Variants in UTRN observed in about 807,000 individuals in gnomAD.
The protein encoded by UTRN is dystrophin-related protein 1.
UTRN carries 283 observed loss-of-function variants against 463.9 expected under a neutral mutation model. That is an observed-to-expected ratio of 0.61 (90% CI 0.55 to 0.67). The LOEUF is 0.67. UTRN is among the 30% of genes least tolerant of loss of function. UTRN has a pLI of 0.00. For missense variants in UTRN, 3,922 were observed against 4,084.3 expected, an observed-to-expected ratio of 0.96 and a Z score of 1.08; for synonymous variants, 1,442 against 1,431.5, an observed-to-expected ratio of 1.01 and a Z score of -0.17.
At chr6:144,555,667 G>C (rs1735324102) in intron 49 of UTRN, among the ~76,000 whole-genome samples, 1 of 152,200 alleles carries the variant, frequency 6.6e-6, no homozygotes. Context: ...CTGAGCTCAA[G>C]TAATCTGCTC....
chr6:144,638,810 A>G (rs1233611614), intron 51 of UTRN, among the ~76,000 whole-genome samples: 3 of 152,178 alleles, frequency 2.0e-5, no homozygotes, highest in Non-Finnish European at 4.4e-5. Flanking sequence ...TAATCCTTTT[A>G]GAAGGCAATG....
intron 73 of UTRN, among the ~76,000 whole-genome samples, chr6:144,846,555 T>C (rs916908554): frequency 2.0e-5 from 3 of 152,252 alleles, no homozygotes; most frequent in African/African-American, 7.2e-5. Flanking sequence ...CAGTGAATGC[T>C]TTAGTGTATG....
Position 144,447,233 on chromosome 6 carries a change from C to T in UTRN, c.1637C>T (p.Thr546Ile), listed in dbSNP as rs753825783. ...TAGTGCTTGTTGAAAGCTTGGTTAA[C>T]CGAAAAAGAAGAGGCTTTAAATAAA... is the stretch of plus-strand genomic sequence containing the variant. ...EEQCLLKAWLTEKEEALNKVQ... is the reference protein window; with the variant it reads ...EEQCLLKAWLIEKEEALNKVQ... Residue 546 changes from threonine to isoleucine, a missense_variant, in exon 15 of 75, where the codon ACC (threonine) becomes ATC (isoleucine). Transcript: ENST00000367545. 14 of 1,613,568 alleles carry T rather than the reference C, an allele frequency of 8.7e-6. No homozygotes were observed. Among genetic ancestry groups the T allele is most frequent in the African/African-American group, 1.3e-5 (1 of 74,858 alleles).
chr6:144,622,197 T>TC (rs1220936574), intron 51 of UTRN, among the ~76,000 whole-genome samples: 1 of 139,984 alleles, frequency 7.1e-6, no homozygotes, highest in Non-Finnish European at 1.5e-5. Flanking sequence ...TTTTTTTTTT[T>TC]TTTTTTTTGG....
chr6:144,781,200 G>T (rs4499950), intron 60 of UTRN, among the ~76,000 whole-genome samples: 1 of 152,036 alleles, frequency 6.6e-6, no homozygotes, highest in Non-Finnish European at 1.5e-5. Flanking sequence ...GGATGTGGGG[G>T]CTGTCTAGTA....
chr6:144,494,709 G>C (rs1370515237), intron 33 of UTRN, among the ~76,000 whole-genome samples: 2 of 152,146 alleles, frequency 1.3e-5, no homozygotes, highest in Non-Finnish European at 2.9e-5. Flanking sequence ...TAGATACAGA[G>C]TGTGGACACA....
chr6:144,723,433 C>G (rs751852656), intron 53 of UTRN, among the ~76,000 whole-genome samples: 1 of 152,124 alleles, frequency 6.6e-6, no homozygotes, highest in African/African-American at 2.4e-5. Context: ...TATGCTCAAG[C>G]ATTTATTGAG....
intron 47 of UTRN, among the ~76,000 whole-genome samples, chr6:144,549,124 G>A (rs987980668): frequency 1.3e-5 from 2 of 152,202 alleles, no homozygotes; most frequent in African/African-American, 4.8e-5. Context: ...AGGCACATTA[G>A]TATAAATATA....
At chr6:144,762,896 G>GATTTTCC (rs1792872316) in intron 58 of UTRN, among the ~76,000 whole-genome samples, 1 of 152,192 alleles carries the variant, frequency 6.6e-6, no homozygotes, top group Admixed American at 6.5e-5. Context: ...TAGGAAATAA[G>GATTTTCC]ATTTTCCTTT....
At chr6:144,516,548 T>G (rs1378924762) in intron 38 of UTRN, among the ~76,000 whole-genome samples, 161 bp downstream of exon 38, 1 of 152,098 alleles carries the variant, frequency 6.6e-6, no homozygotes, top group Non-Finnish European at 1.5e-5. Context: ...ACATGATTCA[T>G]GTGCTTAAAA....
chr6:144,824,662 C>T, intron 66 of UTRN, among the ~76,000 whole-genome samples: 2 of 104,068 alleles, frequency 1.9e-5, no homozygotes, highest in Admixed American at 1.4e-4. Flanking sequence ...TTCTGTTTCC[C>T]AGGCTGGAGT....
intron 58 of UTRN, among the ~76,000 whole-genome samples, chr6:144,760,872 T>A (rs976689993): frequency 2.0e-5 from 3 of 152,180 alleles, no homozygotes; most frequent in Non-Finnish European, 4.4e-5. Flanking sequence ...ATCATCTTTG[T>A]ATTCACTGTT....
At chr6:144,449,399 C>T (rs928751902) in intron 17 of UTRN, among the ~76,000 whole-genome samples, 10 of 152,228 alleles carry the variant, frequency 6.6e-5, no homozygotes, top group Admixed American at 2.0e-4. Context: ...TACCAGCTCG[C>T]GGTACAGTGG....
intron 54 of UTRN, among the ~76,000 whole-genome samples, chr6:144,731,939 G>A (rs1051982725): frequency 6.6e-6 from 1 of 151,630 alleles, no homozygotes; most frequent in East Asian, 1.9e-4. Flanking sequence ...TCGGCTCACT[G>A]CAATCTCTGC....
intron 19 of UTRN, among the ~76,000 whole-genome samples, chr6:144,455,178 T>G (rs1788697200): frequency 6.6e-6 from 1 of 152,216 alleles, no homozygotes; most frequent in East Asian, 1.9e-4. Flanking sequence ...TGTCCATTTA[T>G]TTTGAAATTA....
chr6:144,840,048 C>T (rs756332798), intron 72 of UTRN, among the ~76,000 whole-genome samples: 1 of 151,846 alleles, frequency 6.6e-6, no homozygotes, highest in East Asian at 1.9e-4. Flanking sequence ...ATTAGCCAGG[C>T]GTGGTGGAGC....
chr6:144,402,784 T>C (rs1431651464), intron 2 of UTRN, among the ~76,000 whole-genome samples: 2 of 152,206 alleles, frequency 1.3e-5, no homozygotes, highest in Non-Finnish European at 2.9e-5. Context: ...GCACAAAATG[T>C]AGCAGAAAGT....
chr6:144,759,971 A>T (rs567099956), intron 58 of UTRN, among the ~76,000 whole-genome samples: 1 of 152,296 alleles, frequency 6.6e-6, no homozygotes, highest in East Asian at 1.9e-4. Context: ...TGATTTTTTT[A>T]AAAATGCAAA....
At chr6:144,341,991 C>T (rs1453459114) in intron 2 of UTRN, among the ~76,000 whole-genome samples, 1 of 152,158 alleles carries the variant, frequency 6.6e-6, no homozygotes. Flanking sequence ...AGCCAGTATC[C>T]GTTCTGACTA....
Sources: gnomAD v4.1 joint callset for allele counts (sites outside exome capture counted in the v4.1 genomes callset) on GRCh38, gnomAD v4.1.1 for gene constraint, MANE v1.5 for transcripts, NCBI Gene and HGNC (gene_info 2026-07-23, HGNC 2026-07-21) for gene names.